ATRNL1: variants seen among roughly 807,000 people sequenced by gnomAD.
ATRNL1 encodes attractin like 1.
Under a neutral mutation model 182.7 loss-of-function variants are expected in ATRNL1, and 95 were observed. The observed-to-expected ratio is 0.52, with a 90% confidence interval of 0.44 to 0.62. ATRNL1 has a LOEUF of 0.62. Among genes scored for constraint, ATRNL1 ranks in the 20% least tolerant of loss-of-function variants. The pLI, the probability that ATRNL1 is intolerant of heterozygous loss-of-function variation, is 0.00. For missense variants in ATRNL1, 1,471 were observed against 1,679.5 expected (o/e 0.88, Z 2.17); for synonymous variants, 576 against 568.3 (o/e 1.01, Z -0.19).
intron 28 of ATRNL1, among the ~76,000 whole-genome samples, chr10:115,897,655 G>T (rs1267865078): frequency 3.3e-5 from 5 of 152,272 alleles, no homozygotes; most frequent in African/African-American, 1.2e-4. Context: ...CCAGCTATTT[G>T]TCACCATCAG....
chr10:115,622,884 G>A (rs111854966), intron 26 of ATRNL1, among the ~76,000 whole-genome samples: 2,963 of 151,926 alleles, frequency 0.02, 65 homozygotes, highest in East Asian at 0.12. Flanking sequence ...CCGAGATCGC[G>A]CCACTCCACT....
At chr10:115,112,090 T>G (rs1554868260) in intron 1 of ATRNL1, among the ~76,000 whole-genome samples, 7 of 152,020 alleles carry the variant, frequency 4.6e-5, no homozygotes. Context: ...TACGATAAGT[T>G]TAACCAAAGA....
intron 26 of ATRNL1, among the ~76,000 whole-genome samples, chr10:115,553,078 A>G (rs1457266644): frequency 6.6e-6 from 1 of 151,356 alleles, no homozygotes; most frequent in African/African-American, 2.4e-5. Flanking sequence ...TTAATCTGAA[A>G]TTTGAATATT....
intron 26 of ATRNL1, among the ~76,000 whole-genome samples, chr10:115,617,445 C>T (rs1035226249): frequency 4.6e-5 from 7 of 152,182 alleles, no homozygotes; most frequent in Middle Eastern, 3.4e-3. Context: ...CTGCAACATC[C>T]GCCTCCTGGA....
At chr10:115,460,646 G>C (rs1212907845) in intron 21 of ATRNL1, among the ~76,000 whole-genome samples, 1 of 151,918 alleles carries the variant, frequency 6.6e-6, no homozygotes, top group South Asian at 2.1e-4. Flanking sequence ...TGTCCTCTCT[G>C]CCTGGAATAT....
chr10:115,728,113 A>C (rs1201654756), intron 27 of ATRNL1, among the ~76,000 whole-genome samples: 1 of 94,132 alleles, frequency 1.1e-5, no homozygotes, highest in African/African-American at 4.0e-5. Context: ...GTCTCTACTA[A>C]AAAAAAAAAA....
In ATRNL1 at chr10:115,440,091, G is replaced by GA. The variant is rs544290308; in HGVS notation, c.3322+13792dup. Reference sequence around the variant, plus strand: ...TACTGTCGTTATTTATTTTGTAGCTGAAATTGTTCCAGATCTGGTCATTAA... The same window carrying GA: ...TACTGTCGTTATTTATTTTGTAGCTGAAAATTGTTCCAGATCTGGTCATTAA... On this transcript the variant is annotated intron_variant, in intron 21 of 28. Coordinates refer to ENST00000355044, the MANE Select transcript of ATRNL1 (RefSeq NM_207303.4). Among the ~76,000 whole-genome samples the GA allele has an allele frequency of 3.4e-4, 52 of 151,822 alleles. No homozygotes were observed. In the Middle Eastern group the frequency reaches 0.01, roughly 30 times the overall value.
Position 115,098,666 on chromosome 10 carries a change from C to A in ATRNL1, c.293+4623C>A, listed in dbSNP as rs560002371. ...TAGAGACGGGGTATCACCGTGTTAGCCAGGATGGTCTCGATCTCCTGACCT... is the reference window on the plus strand; with the variant it reads ...TAGAGACGGGGTATCACCGTGTTAGACAGGATGGTCTCGATCTCCTGACCT... On this transcript the variant is annotated intron_variant, in intron 1 of 28. Transcript: ENST00000355044. 2.0e-5 allele frequency among the ~76,000 whole-genome samples: 3 copies of A among 151,768 alleles called. No homozygotes were observed. The East Asian group carries it at 5.8e-4, about 30-fold the overall frequency.
rs1487303791 is a variant in ATRNL1, at chr10:115,948,066, T to C, written c.*3287T>C. 6.6e-6 allele frequency: 1 copy of C among 152,218 alleles called. No individual in the cohort carries two copies. Among genetic ancestry groups the C allele is most frequent in the Non-Finnish European group, 1.5e-5 (1 of 68,040 alleles). The allele number at this position is 152,218 out of a possible 1,614,324, so 9.4% of individuals were successfully genotyped here. On this transcript the variant is annotated 3_prime_UTR_variant, in exon 29 of 29. Transcript: ENST00000355044. ...TCTTTTGGTCGTAGGTAAAGGTCAA[T>C]CAGGTTTTTCAAAAAGACTCCCTGA...
intron 26 of ATRNL1, among the ~76,000 whole-genome samples, chr10:115,634,335 TCAGC>T (rs1413123054): frequency 6.6e-6 from 1 of 152,154 alleles, no homozygotes; most frequent in Non-Finnish European, 1.5e-5. Context: ...TTGAATTCAA[TCAGC>T]CATATTAAGA....
At chr10:115,376,890 T>C (rs1554949678) in intron 19 of ATRNL1, among the ~76,000 whole-genome samples, 2 of 152,142 alleles carry the variant, frequency 1.3e-5, no homozygotes, top group Admixed American at 6.5e-5. Flanking sequence ...CCTTATGCTT[T>C]CTTCATTTTA....
chr10:115,590,304 C>T (rs1310841490), intron 26 of ATRNL1, among the ~76,000 whole-genome samples: 1 of 152,158 alleles, frequency 6.6e-6, no homozygotes, highest in Admixed American at 6.5e-5. Context: ...AGGCTTGAAT[C>T]TTTAGTGTCA....
Position 115,425,895 on chromosome 10 carries a change from T to C in ATRNL1, c.3270-355T>C, listed in dbSNP as rs1267645833. Among the ~76,000 whole-genome samples, 5 of 152,222 alleles carry C rather than the reference T, an allele frequency of 3.3e-5. No homozygotes were observed. In the South Asian group the frequency reaches 8.3e-4, roughly 25 times the overall value. ...CCCTGAATTTTCTTCTACCTAAAAA[T>C]ATCTCTGTATCTTATTTCAGACTTT... On this transcript the variant is annotated intron_variant, in intron 20 of 28. Coordinates refer to ENST00000355044, the MANE Select transcript of ATRNL1 (RefSeq NM_207303.4).
At chr10:115,142,113 A>G (rs1195099942) in intron 5 of ATRNL1, among the ~76,000 whole-genome samples, 1 of 152,172 alleles carries the variant, frequency 6.6e-6, no homozygotes, top group African/African-American at 2.4e-5. Flanking sequence ...ATAAATATAC[A>G]TTATATAGTA....
intron 26 of ATRNL1, among the ~76,000 whole-genome samples, chr10:115,572,368 A>G (rs1258698164): frequency 6.6e-6 from 1 of 152,154 alleles, no homozygotes. Flanking sequence ...GACAGAGGAA[A>G]ATTTAGGATT....
chr10:115,372,108 A>C (rs989913223), intron 19 of ATRNL1, among the ~76,000 whole-genome samples: 3 of 152,172 alleles, frequency 2.0e-5, no homozygotes, highest in African/African-American at 7.2e-5. Flanking sequence ...TGAGTCCATT[A>C]AACCTCTTTC....
In ATRNL1 at chr10:115,718,790, C is replaced by T. The variant is rs560792515; in HGVS notation, c.3796-8458C>T. On this transcript the variant is annotated intron_variant, in intron 26 of 28. Transcript: ENST00000355044. ...CGTCCACTAACGAATAGCTTTGTTG[C>T]TTTTAACTCCAGGCTACATAAGTAC... 2.0e-5 allele frequency among the ~76,000 whole-genome samples: 3 copies of T among 152,284 alleles called. No homozygotes were observed. The East Asian group carries it at 5.8e-4, about 29-fold the overall frequency.
At chr10:115,152,100 T>C (rs1430278701) in intron 5 of ATRNL1, among the ~76,000 whole-genome samples, 10 of 152,238 alleles carry the variant, frequency 6.6e-5, no homozygotes, top group African/African-American at 1.9e-4. Context: ...TGTACCATGC[T>C]GTTTTGGTTA....
chr10:115,144,371 G>C (rs1289663213), intron 5 of ATRNL1, among the ~76,000 whole-genome samples: 2 of 151,986 alleles, frequency 1.3e-5, no homozygotes, highest in Admixed American at 1.3e-4. Flanking sequence ...TGTTAGCCAG[G>C]ATGGTCTCGA....
Sources: gnomAD v4.1 joint callset for allele counts (sites outside exome capture counted in the v4.1 genomes callset) on GRCh38, gnomAD v4.1.1 for gene constraint, MANE v1.5 for transcripts, NCBI Gene and HGNC (gene_info 2026-07-23, HGNC 2026-07-21) for gene names.